Variants in CHLSN observed in about 807,000 individuals in gnomAD.
The protein encoded by CHLSN is cholesin, also known as protein cholesin.
the CHLSN span, among the ~76,000 whole-genome samples, chr7:1,047,852 T>TTGGATCACTCGCCTTGG: frequency 2.0e-5 from 3 of 152,178 alleles, no homozygotes; most frequent in East Asian, 1.9e-4. Context: ...AGTGGGGAAA[T>TTGGATCACTCGCCTTGG]TGGATCACTC....
the CHLSN span, among the ~76,000 whole-genome samples, chr7:1,069,350 TCCCTCTCCCCTCTC>T: frequency 8.0e-4 from 118 of 148,052 alleles, 1 homozygote; most frequent in Middle Eastern, 3.4e-3. Context: ...TAAATAGCTC[TCCCTCTCCCCTCTC>T]CCCTCTCCCC....
chr7:1,075,152 G>A, the CHLSN span, among the ~76,000 whole-genome samples: 3 of 152,292 alleles, frequency 2.0e-5, no homozygotes, highest in East Asian at 3.9e-4. Flanking sequence ...TTCTCCTGAG[G>A]ACCAAACACG....
At chr7:1,059,636 T>TG in the CHLSN span, among the ~76,000 whole-genome samples, 6 of 82,568 alleles carry the variant, frequency 7.3e-5, no homozygotes, top group East Asian at 3.7e-4. Flanking sequence ...GGGGCGGGTC[T>TG]TAGTGAGGCA....
the CHLSN span, among the ~76,000 whole-genome samples, chr7:1,050,843 G>A: frequency 1.3e-5 from 2 of 152,202 alleles, no homozygotes; most frequent in Non-Finnish European, 2.9e-5. Flanking sequence ...GCTCGGCAGG[G>A]ACCAGGAACC....
At chr7:1,138,174 G>GGCCA in the CHLSN span, 1 of 151,896 alleles carries the variant, frequency 6.6e-6, no homozygotes, top group African/African-American at 2.4e-5. Flanking sequence ...CCCCGCCGCC[G>GGCCA]CCCCACGCGC....
the CHLSN span, among the ~76,000 whole-genome samples, chr7:1,018,431 C>T: frequency 1.3e-5 from 2 of 152,146 alleles, no homozygotes; most frequent in Non-Finnish European, 2.9e-5. Flanking sequence ...GAGCCTGGCC[C>T]CGAGCAGAGA....
At chr7:994,433 T>C in the CHLSN span, among the ~76,000 whole-genome samples, 2 of 152,056 alleles carry the variant, frequency 1.3e-5, no homozygotes, top group Non-Finnish European at 2.9e-5. Context: ...AGTGTTGGGA[T>C]TACAGGCGTG....
chr7:1,061,424 C>T, the CHLSN span, among the ~76,000 whole-genome samples: 4 of 152,098 alleles, frequency 2.6e-5, no homozygotes, highest in African/African-American at 7.2e-5. Context: ...AGCGAGTCCC[C>T]TCCTCATCCC....
the CHLSN span, among the ~76,000 whole-genome samples, chr7:1,111,459 C>A: frequency 6.6e-6 from 1 of 152,168 alleles, no homozygotes; most frequent in Non-Finnish European, 1.5e-5. Flanking sequence ...AGGTGTTGAA[C>A]AAAACAGTCT....
the CHLSN span, among the ~76,000 whole-genome samples, chr7:1,117,552 C>T: frequency 1.7e-4 from 24 of 141,594 alleles, 1 homozygote; most frequent in Admixed American, 1.5e-3. Flanking sequence ...CTTCCATCAC[C>T]AATGTCCACG....
chr7:1,115,347 A>AGCCCCC, the CHLSN span, among the ~76,000 whole-genome samples: 2 of 152,228 alleles, frequency 1.3e-5, no homozygotes, highest in African/African-American at 2.4e-5. Flanking sequence ...CCACAGACCC[A>AGCCCCC]GCCCCCAGGC....
the CHLSN span, among the ~76,000 whole-genome samples, chr7:1,130,672 GAA>G: frequency 6.7e-6 from 1 of 148,838 alleles, no homozygotes; most frequent in Admixed American, 6.7e-5. Context: ...GCTGAGAACA[GAA>G]AAGTGTCCTG....
the CHLSN span, chr7:1,127,333 T>G: frequency 6.2e-7 from 1 of 1,609,822 alleles, no homozygotes; most frequent in Admixed American, 1.7e-5. Context: ...CTTCTTCAGC[T>G]TTTTGTTCTT....
At chr7:1,053,212 G>A in the CHLSN span, among the ~76,000 whole-genome samples, 6 of 152,234 alleles carry the variant, frequency 3.9e-5, no homozygotes, top group Non-Finnish European at 7.3e-5. Flanking sequence ...GGCTCCACCC[G>A]CCTGGGCCAG....
the CHLSN span, among the ~76,000 whole-genome samples, chr7:1,126,144 A>G: frequency 4.0e-5 from 6 of 148,776 alleles, no homozygotes; most frequent in African/African-American, 1.5e-4. Flanking sequence ...GTGGATCACG[A>G]GGTCAGGAGG....
the CHLSN span, among the ~76,000 whole-genome samples, chr7:1,133,850 A>G: frequency 3.9e-5 from 6 of 152,028 alleles, no homozygotes; most frequent in Non-Finnish European, 7.3e-5. Context: ...GACAAAATTT[A>G]GGCTGGAACA....
At chr7:1,046,397 C>T in the CHLSN span, among the ~76,000 whole-genome samples, 2 of 152,212 alleles carry the variant, frequency 1.3e-5, no homozygotes, top group African/African-American at 4.8e-5. Flanking sequence ...GTTTCCCAGC[C>T]ATTCCCTCCT....
chr7:1,086,394 A>T, the CHLSN span, among the ~76,000 whole-genome samples: 1 of 152,260 alleles, frequency 6.6e-6, no homozygotes. Context: ...AAAATGTCTA[A>T]GAGCAAATCA....
At chr7:1,099,104 CGG>C in the CHLSN span, among the ~76,000 whole-genome samples, 1,914 of 142,134 alleles carry the variant, frequency 0.013, 45 homozygotes, top group African/African-American at 0.045. Flanking sequence ...CCTCCCCTTC[CGG>C]AGCCTCGCTG....
Sources: gnomAD v4.1 joint callset for allele counts (sites outside exome capture counted in the v4.1 genomes callset) on GRCh38, gnomAD v4.1.1 for gene constraint, MANE v1.5 for transcripts, NCBI Gene and HGNC (gene_info 2026-07-23, HGNC 2026-07-21) for gene names.